The following AAMDC variants were observed in gnomAD, a reference collection of about 807,000 sequenced individuals.
AAMDC encodes adipogenesis associated Mth938 domain containing, also known as mth938 domain-containing protein.
AAMDC carries 16 observed loss-of-function variants against 15.5 expected under a neutral mutation model. That is an observed-to-expected ratio of 1.03 (90% CI 0.70 to 1.57). The LOEUF is 1.57. Ranked by LOEUF, AAMDC falls within the 40% of genes most tolerant of loss-of-function variation. The pLI is 0.00. For missense variants in AAMDC, 141 were observed against 144.9 expected (o/e 0.97, Z 0.14); for synonymous variants, 51 against 51.6 (o/e 0.99, Z 0.05).
chr11:77,873,726 G>T (rs1254837598), downstream of AAMDC, among the ~76,000 whole-genome samples: 1 of 152,224 alleles, frequency 6.6e-6, no homozygotes. Context: ...CACTAGGATG[G>T]AAGGAAAATT....
chr11:77,879,668 T>C (rs1209546281), intron 5 of AAMDC, among the ~76,000 whole-genome samples: 1 of 152,218 alleles, frequency 6.6e-6, no homozygotes, highest in East Asian at 1.9e-4. Context: ...ATTCTTTCAT[T>C]ACATTATCTT....
In AAMDC at chr11:77,872,286, G is replaced by A. The variant is rs2136323130; in HGVS notation, c.340G>A (p.Val114Met). 1.2e-6 allele frequency: 2 copies of A among 1,613,300 alleles called. No individual in the cohort carries two copies. The highest frequency in any genetic ancestry group is 1.7e-6 in the Non-Finnish European group (2 of 1,179,676). ...TGCCTTGGTTGCCCAAGGGGTCAGG[G>A]TGGGAGGTGTCTTCCATTCCACCTG... ...YNALVAQGVR[V>M]GGVFHSTC The change falls in exon 4 of 4, where the codon GTG becomes ATG. Residue 114 changes from valine to methionine, a missense_variant. Coordinates refer to ENST00000393427, the MANE Select transcript of AAMDC (RefSeq NM_024684.4).
chr11:77,866,651 T>A (rs1951124093), intron 2 of AAMDC: 1 of 152,152 alleles, frequency 6.6e-6, no homozygotes, highest in East Asian at 1.9e-4. Context: ...ACCTTACACT[T>A]GGATTTCCAG....
intron 2 of AAMDC, among the ~76,000 whole-genome samples, chr11:77,861,780 A>G (rs1333407954): frequency 6.6e-6 from 1 of 152,172 alleles, no homozygotes; most frequent in African/African-American, 2.4e-5. Flanking sequence ...GGCCATGACT[A>G]AAGCGGTGGC....
chr11:77,879,592 GC>G (rs1269484673), intron 5 of AAMDC, among the ~76,000 whole-genome samples: 1 of 152,228 alleles, frequency 6.6e-6, no homozygotes, highest in East Asian at 1.9e-4. Flanking sequence ...GAAGTGGTTC[GC>G]CAAAAAGTTT....
intron 2 of AAMDC, among the ~76,000 whole-genome samples, chr11:77,858,194 ATTT>A (rs71046920): frequency 0.015 from 1,909 of 130,788 alleles, 46 homozygotes; most frequent in African/African-American, 0.052. Flanking sequence ...AATATATATA[ATTT>A]TTTTTTTTTT....
chr11:77,855,093 G>A (rs1950557034), intron 2 of AAMDC, among the ~76,000 whole-genome samples: 1 of 152,084 alleles, frequency 6.6e-6, no homozygotes, highest in Non-Finnish European at 1.5e-5. Flanking sequence ...CGTGATGCAG[G>A]GTGCTATGAC....
chr11:77,889,758 T>A (rs151147361), intron 5 of AAMDC, among the ~76,000 whole-genome samples: 11 of 152,250 alleles, frequency 7.2e-5, no homozygotes, highest in African/African-American at 2.6e-4. Flanking sequence ...TTCAAACCAC[T>A]GGACCTGTCC....
At chr11:77,860,842 C>T (rs572000506) in intron 2 of AAMDC, among the ~76,000 whole-genome samples, 10 of 152,184 alleles carry the variant, frequency 6.6e-5, no homozygotes, top group South Asian at 2.1e-4. Flanking sequence ...CAGAGTACAA[C>T]GGTTAGGTAC....
At chr11:77,859,452 T>A (rs1438689503) in intron 2 of AAMDC, among the ~76,000 whole-genome samples, 1 of 152,246 alleles carries the variant, frequency 6.6e-6, no homozygotes, top group East Asian at 1.9e-4. Flanking sequence ...TAGGAATTCC[T>A]TTTCTCTCCA....
In AAMDC at chr11:77,821,161, C is replaced by G. The variant is rs535373455; in HGVS notation, c.-99C>G. 2.9e-5 allele frequency: 11 copies of G among 384,024 alleles called. No individual in the cohort carries two copies. The highest frequency in any genetic ancestry group is 4.6e-5 in the Non-Finnish European group (10 of 215,182). The allele number at this position is 384,024 out of a possible 1,614,324, so 23.8% of individuals were successfully genotyped here. ...CGGAGGGCAGTTGGGGAGCGCAGAT[C>G]CCGAAGCAGCGCTGGGAGCGTAAGT... is the stretch of plus-strand genomic sequence containing the variant. On this transcript the variant is annotated 5_prime_UTR_variant, in exon 1 of 4. The change creates a new upstream start codon in the 5' untranslated region. Coordinates refer to ENST00000393427, the MANE Select transcript of AAMDC (RefSeq NM_024684.4).
chr11:77,842,314 C>A (rs181220866), intron 1 of AAMDC, among the ~76,000 whole-genome samples, 165 bp from the exon 2 acceptor site: 1 of 152,162 alleles, frequency 6.6e-6, no homozygotes, highest in Non-Finnish European at 1.5e-5. Flanking sequence ...TTCAGGATTC[C>A]AGGAATAATA....
chr11:77,870,999 AG>A (rs1406835041), intron 3 of AAMDC, among the ~76,000 whole-genome samples: 1 of 152,062 alleles, frequency 6.6e-6, no homozygotes, highest in Non-Finnish European at 1.5e-5. Flanking sequence ...CCTTACATCT[AG>A]GGCTTTATAT....
intron 5 of AAMDC, among the ~76,000 whole-genome samples, chr11:77,886,019 A>C (rs2136370729): frequency 6.6e-6 from 1 of 152,038 alleles, no homozygotes; most frequent in Non-Finnish European, 1.5e-5. Flanking sequence ...TGGGCAAAAA[A>C]GTAAGACCCC....
downstream of AAMDC, among the ~76,000 whole-genome samples, chr11:77,904,549 T>C (rs1183501290): frequency 6.6e-6 from 1 of 152,248 alleles, no homozygotes; most frequent in Admixed American, 6.5e-5. Context: ...CACATCTCAG[T>C]TTGGACTAAC....
chr11:77,860,393 G>A (rs1484391201), intron 2 of AAMDC, among the ~76,000 whole-genome samples: 6 of 152,232 alleles, frequency 3.9e-5, no homozygotes, highest in African/African-American at 1.4e-4. Context: ...GCCAGTGTGG[G>A]CTGGGTACAT....
Position 77,891,732 on chromosome 11 carries a change from T to C in AAMDC, c.329-8839T>C, listed in dbSNP as rs751983145. 34 of 1,611,838 alleles carry C rather than the reference T, an allele frequency of 2.1e-5. No homozygotes were observed. The East Asian group carries it at 6.2e-4, about 30-fold the overall frequency. On this transcript the variant is annotated intron_variant, in intron 5 of 5. Coordinates refer to the AAMDC transcript ENST00000304716. ...AGGCACTCTGTCGCAGCATGGTCTG[T>C]AGAATTTTGACCACTTCTGCAGGTT...
At chr11:77,863,423 G>A (rs553637200) in intron 2 of AAMDC, among the ~76,000 whole-genome samples, 12 of 152,298 alleles carry the variant, frequency 7.9e-5, no homozygotes, top group Non-Finnish European at 1.6e-4. Context: ...GCAGTTGCAA[G>A]ATTTAAGAGT....
chr11:77,839,557 A>G (rs1034856966), intron 1 of AAMDC, among the ~76,000 whole-genome samples: 1 of 152,224 alleles, frequency 6.6e-6, no homozygotes, highest in Non-Finnish European at 1.5e-5. Context: ...TAGCGAAGAC[A>G]TGGAATCAAC....
Sources: allele counts gnomAD v4.1 joint callset (sites outside exome capture counted in the v4.1 genomes callset), GRCh38; gene constraint gnomAD v4.1.1; transcripts MANE v1.5; gene names NCBI Gene and HGNC (gene_info 2026-07-23, HGNC 2026-07-21).